The following FRMD4B variants were observed in gnomAD, a reference collection of about 807,000 sequenced individuals.
FRMD4B encodes the protein FERM domain containing 4B, also known as FERM domain-containing protein 4B.
Under a neutral mutation model 141.5 loss-of-function variants are expected in FRMD4B, and 74 were observed. That is an observed-to-expected ratio of 0.52 (90% CI 0.43 to 0.63). The LOEUF is 0.63. Among genes scored for constraint, FRMD4B ranks in the 30% least tolerant of loss-of-function variants. The probability of loss-of-function intolerance (pLI) is 0.00; values close to 1 mark genes in which losing one functional copy is unlikely to be tolerated. For synonymous variants in FRMD4B, 506 were observed against 467.9 expected, an observed-to-expected ratio of 1.08 and a Z score of -1.05; for missense variants, 1,366 against 1,253.4, an observed-to-expected ratio of 1.09 and a Z score of -1.36.
intron 7 of FRMD4B, among the ~76,000 whole-genome samples, chr3:69,241,428 C>T (rs1218492620): frequency 6.6e-6 from 1 of 152,150 alleles, no homozygotes; most frequent in African/African-American, 2.4e-5. Context: ...TAACTTTTAA[C>T]CAAGTATTGT....
rs566013616 is a variant in FRMD4B, at chr3:69,436,420, T to G, written c.-128-3659A>C. On this transcript the variant is annotated intron_variant, in intron 1 of 5. Coordinates refer to the FRMD4B transcript ENST00000459638. The stretch of plus-strand genomic sequence containing the variant: ...ATTTCACACCTACTAGGACGGATAT[T>G]TGGGGAATGAAAGGAAAATAAGAAG... Among the ~76,000 whole-genome samples the G allele has an allele frequency of 5.9e-5, 9 of 152,204 alleles. No individual in the cohort carries two copies. In the East Asian group the frequency reaches 1.7e-3, roughly 29 times the overall value.
Position 69,195,012 on chromosome 3 carries a change from T to C in FRMD4B, c.1488+10A>G, listed in dbSNP as rs751279379. On this transcript the variant is annotated intron_variant, in intron 16 of 22. Transcript: ENST00000398540. The stretch of plus-strand genomic sequence containing the variant: ...TGATTAATTGAAAGGCTCAGAGGCG[T>C]TGTTCATACTTCTTCACTCGGCAGC... The C allele has an allele frequency of 4.3e-6, 7 of 1,611,880 alleles. No homozygotes were observed. Among genetic ancestry groups the C allele is most frequent in the East Asian group, 4.5e-5 (2 of 44,882 alleles).
At chr3:69,188,252 AG>A (rs1456852119) in intron 18 of FRMD4B, among the ~76,000 whole-genome samples, 21 of 152,188 alleles carry the variant, frequency 1.4e-4, no homozygotes, top group Non-Finnish European at 2.6e-4. Flanking sequence ...GTGTGAACCA[AG>A]GGGAAGTTGG....
intron 1 of FRMD4B, among the ~76,000 whole-genome samples, chr3:69,457,269 C>A (rs1408527836): frequency 1.3e-5 from 2 of 152,052 alleles, no homozygotes; most frequent in Non-Finnish European, 2.9e-5. Flanking sequence ...TGTCTGGATA[C>A]AGGACTGAAA....
chr3:69,410,726 A>AATAAATAAATAT (rs1559519781), intron 2 of FRMD4B, among the ~76,000 whole-genome samples: 3 of 86,304 alleles, frequency 3.5e-5, no homozygotes, highest in African/African-American at 1.2e-4. Context: ...TAAATAAATA[A>AATAAATAAATAT]ATATATATAT....
chr3:69,453,760 C>A (rs1372950772), intron 1 of FRMD4B, among the ~76,000 whole-genome samples: 1 of 152,158 alleles, frequency 6.6e-6, no homozygotes, highest in Non-Finnish European at 1.5e-5. Flanking sequence ...CAGGTCCTGG[C>A]CAAGTGCATT....
intron 2 of FRMD4B, among the ~76,000 whole-genome samples, chr3:69,427,647 T>TTTTTTTTTG (rs1705107219): frequency 1.8e-5 from 2 of 114,274 alleles, no homozygotes; most frequent in Non-Finnish European, 3.6e-5. Flanking sequence ...GTAAATGTTT[T>TTTTTTTTTG]TTTTTTTTTT....
intron 1 of FRMD4B, among the ~76,000 whole-genome samples, chr3:69,443,154 A>AC (rs1365841488): frequency 6.6e-6 from 1 of 151,756 alleles, no homozygotes; most frequent in Non-Finnish European, 1.5e-5. Flanking sequence ...CCACCCCCTG[A>AC]CCCCCAGGGA....
intron 13 of FRMD4B, 71 bp downstream of exon 13, chr3:69,196,829 G>A: frequency 8.6e-7 from 1 of 1,156,424 alleles, no homozygotes; most frequent in Admixed American, 2.6e-5. Context: ...CATCTTTTGT[G>A]AGAAGGCTTA....
At chr3:69,211,025 A>G (rs1220305937) in intron 11 of FRMD4B, among the ~76,000 whole-genome samples, 3 of 113,694 alleles carry the variant, frequency 2.6e-5, no homozygotes, top group Admixed American at 1.6e-4. Context: ...GCCATCTCGA[A>G]AAAAAAAAAA....
intron 7 of FRMD4B, among the ~76,000 whole-genome samples, chr3:69,233,777 C>T (rs956738080): frequency 1.2e-4 from 18 of 152,136 alleles, no homozygotes; most frequent in Admixed American, 3.3e-4. Context: ...CAAAGATTTA[C>T]TGTTATTAGG....
intron 1 of FRMD4B, among the ~76,000 whole-genome samples, chr3:69,476,962 A>G (rs867880876): frequency 3.8e-3 from 580 of 151,530 alleles, no homozygotes; most frequent in Non-Finnish European, 6.8e-3. Context: ...TTCTCTTTGA[A>G]GCAATTGTGA....
chr3:69,189,805 A>G, intron 18 of FRMD4B, 91 bp downstream of exon 18: 1 of 782,270 alleles, frequency 1.3e-6, no homozygotes. Context: ...TCTCAAAAGA[A>G]AAACAAATAG....
At chr3:69,306,263 G>C (rs1223777433) in intron 3 of FRMD4B, 1 of 152,058 alleles carries the variant, frequency 6.6e-6, no homozygotes, top group African/African-American at 2.4e-5. Context: ...ATCTTAAAAA[G>C]ACAATCATAT....
intron 5 of FRMD4B, among the ~76,000 whole-genome samples, chr3:69,268,339 C>T (rs2106914005): frequency 6.6e-6 from 1 of 152,074 alleles, no homozygotes; most frequent in South Asian, 2.1e-4. Context: ...TGCCAATAGG[C>T]ATGGAGGTTC....
At chr3:69,523,665 G>A (rs1237052523) in intron 1 of FRMD4B, among the ~76,000 whole-genome samples, 1 of 152,134 alleles carries the variant, frequency 6.6e-6, no homozygotes, top group African/African-American at 2.4e-5. Flanking sequence ...CAGTGTGAGA[G>A]GATGGGAAAT....
At chr3:69,520,039 T>C (rs1436454181) in intron 1 of FRMD4B, among the ~76,000 whole-genome samples, 1 of 122,296 alleles carries the variant, frequency 8.2e-6, no homozygotes, top group African/African-American at 4.1e-5. Flanking sequence ...ATCATATATA[T>C]ATATTCCATC....
chr3:69,385,741 G>C, intron 1 of FRMD4B, 87 bp downstream of exon 1: 1 of 1,161,196 alleles, frequency 8.6e-7, no homozygotes, highest in Non-Finnish European at 1.2e-6. Flanking sequence ...AAGAGCTGGG[G>C]GGAATAAAAT....
rs1173300954 is a variant in FRMD4B at position 69,237,957 on chromosome 3, CCTG to C, written c.581+11266_581+11268del. Among the ~76,000 whole-genome samples the C allele has an allele frequency of 2.0e-5, 3 of 152,324 alleles. No individual in the cohort carries two copies. In the East Asian group the frequency reaches 5.8e-4, roughly 29 times the overall value. On this transcript the variant is annotated intron_variant, in intron 7 of 22. Transcript: ENST00000398540. Reference sequence around the variant, plus strand: ...ATGTTGCCCAGGTTGGCCTCAAACTCCTGAGCTCAGGCAATCGGCCGGCGTTGG... The same window carrying C: ...ATGTTGCCCAGGTTGGCCTCAAACTCAGCTCAGGCAATCGGCCGGCGTTGG...
Sources: gnomAD v4.1 joint callset for allele counts (sites outside exome capture counted in the v4.1 genomes callset) on GRCh38, gnomAD v4.1.1 for gene constraint, MANE v1.5 for transcripts, NCBI Gene and HGNC (gene_info 2026-07-23, HGNC 2026-07-21) for gene names.